Variants in DLG2 observed in about 807,000 individuals in gnomAD.
DLG2 encodes discs large MAGUK scaffold protein 2.
A neutral mutation model predicts 132.5 loss-of-function variants in DLG2; 45 were observed. The observed-to-expected ratio is 0.34, with a 90% CI of 0.27 to 0.44. The LOEUF is 0.44. Among genes scored for constraint, DLG2 ranks in the 20% least tolerant of loss-of-function variants. The pLI is 1.00. For synonymous variants in DLG2, 424 were observed against 419.6 expected (o/e 1.01, Z -0.13); for missense variants, 1,045 against 1,196.9 (o/e 0.87, Z 1.87).
At chr11:85,340,981 A>G (rs2082453378) in intron 3 of DLG2, among the ~76,000 whole-genome samples, 1 of 152,216 alleles carries the variant, frequency 6.6e-6, no homozygotes, top group Admixed American at 6.5e-5. Flanking sequence ...TCAAATTGCT[A>G]CACAGTTATC....
intron 17 of DLG2, among the ~76,000 whole-genome samples, chr11:83,792,449 G>A (rs867257966): frequency 6.6e-6 from 1 of 152,026 alleles, no homozygotes; most frequent in Non-Finnish European, 1.5e-5. Flanking sequence ...ACAATGAAAA[G>A]ACATACAATT....
At chr11:84,379,019 C>A (rs1176442196) in intron 7 of DLG2, among the ~76,000 whole-genome samples, 1 of 151,612 alleles carries the variant, frequency 6.6e-6, no homozygotes, top group Non-Finnish European at 1.5e-5. Flanking sequence ...GTAAAGTTGT[C>A]CCCAGGTGTC....
At chr11:84,577,083 T>C (rs1022624886) in intron 6 of DLG2, among the ~76,000 whole-genome samples, 4 of 152,194 alleles carry the variant, frequency 2.6e-5, no homozygotes, top group African/African-American at 9.7e-5. Flanking sequence ...GGCTTTTGCT[T>C]CTTTCTCATT....
chr11:84,523,664 A>G (rs1463941671), intron 7 of DLG2, among the ~76,000 whole-genome samples: 2 of 152,202 alleles, frequency 1.3e-5, no homozygotes, highest in South Asian at 2.1e-4. Context: ...AGTAACAATA[A>G]GTGCCTTATA....
intron 6 of DLG2, among the ~76,000 whole-genome samples, chr11:84,983,519 T>G (rs2056063980): frequency 6.6e-6 from 1 of 152,142 alleles, no homozygotes; most frequent in Non-Finnish European, 1.5e-5. Flanking sequence ...ACACTGTCCC[T>G]CTGACAGAGC....
intron 3 of DLG2, among the ~76,000 whole-genome samples, chr11:85,546,081 G>A (rs929490683): frequency 1.3e-5 from 2 of 151,942 alleles, no homozygotes; most frequent in Admixed American, 1.3e-4. Context: ...AAATGTGATG[G>A]TAGGGTGTTG....
intron 6 of DLG2, among the ~76,000 whole-genome samples, chr11:84,542,128 TGAGAGAGA>T (rs59128357): frequency 8.2e-5 from 12 of 147,032 alleles, no homozygotes; most frequent in African/African-American, 2.5e-4. Flanking sequence ...ACAGTACTGA[TGAGAGAGA>T]GAGAGAGAGA....
intron 15 of DLG2, among the ~76,000 whole-genome samples, chr11:83,921,131 C>T (rs2077806222): frequency 6.6e-6 from 1 of 152,052 alleles, no homozygotes; most frequent in African/African-American, 2.4e-5. Context: ...TAACACATAC[C>T]TCCCTGGGTT....
intron 18 of DLG2, among the ~76,000 whole-genome samples, chr11:83,663,146 A>G (rs2074743507): frequency 6.6e-6 from 1 of 152,250 alleles, no homozygotes; most frequent in Non-Finnish European, 1.5e-5. Flanking sequence ...ATGTTAAATA[A>G]TTGAGTAAAC....
intron 4 of DLG2, among the ~76,000 whole-genome samples, chr11:85,181,512 T>A (rs762268688): frequency 1.3e-4 from 20 of 151,740 alleles, no homozygotes; most frequent in Non-Finnish European, 2.1e-4. Flanking sequence ...AAAGCAGGTG[T>A]CATGTCATAT....
chr11:84,471,948 T>C (rs1243280948), intron 7 of DLG2, among the ~76,000 whole-genome samples: 1 of 151,640 alleles, frequency 6.6e-6, no homozygotes, highest in African/African-American at 2.4e-5. Context: ...CATTAGAAAC[T>C]GATTTAAAAT....
intron 6 of DLG2, among the ~76,000 whole-genome samples, chr11:84,592,878 A>C (rs1471450061): frequency 2.1e-5 from 3 of 142,082 alleles, no homozygotes; most frequent in African/African-American, 8.0e-5. Context: ...CGAGTGGATC[A>C]CAAGGTCAGG....
intron 6 of DLG2, among the ~76,000 whole-genome samples, chr11:84,906,865 C>G (rs1467204554): frequency 6.6e-6 from 1 of 152,118 alleles, no homozygotes; most frequent in Non-Finnish European, 1.5e-5. Flanking sequence ...TCATTCCCTT[C>G]TTCTTTAAAC....
chr11:85,053,932 C>T (rs998652924), intron 6 of DLG2, among the ~76,000 whole-genome samples: 4 of 151,352 alleles, frequency 2.6e-5, no homozygotes, highest in Admixed American at 1.3e-4. Flanking sequence ...TTCCTAGTAA[C>T]GAACATATGA....
intron 6 of DLG2, among the ~76,000 whole-genome samples, chr11:84,755,550 A>G (rs879816753): frequency 5.9e-5 from 9 of 152,182 alleles, no homozygotes; most frequent in African/African-American, 2.2e-4. Flanking sequence ...CAGCCTCCCA[A>G]GTAGCTGGGA....
intron 6 of DLG2, among the ~76,000 whole-genome samples, chr11:85,031,521 T>G (rs73521290): frequency 0.031 from 4,744 of 152,256 alleles, 257 homozygotes; most frequent in African/African-American, 0.11. Flanking sequence ...GTTATATTCT[T>G]CTTAAATATT....
chr11:85,128,949 C>A (rs1316561793), intron 5 of DLG2, among the ~76,000 whole-genome samples: 1 of 152,188 alleles, frequency 6.6e-6, no homozygotes, highest in African/African-American at 2.4e-5. Context: ...TCCACCACAA[C>A]ATCACTTAGA....
chr11:84,806,383 T>C (rs980900723), intron 6 of DLG2, among the ~76,000 whole-genome samples: 1 of 152,108 alleles, frequency 6.6e-6, no homozygotes, highest in Non-Finnish European at 1.5e-5. Context: ...CAATGATACA[T>C]TATAGTCAAT....
At chr11:84,123,967 G>C (rs933079196) in intron 9 of DLG2, among the ~76,000 whole-genome samples, 1 of 152,170 alleles carries the variant, frequency 6.6e-6, no homozygotes, top group African/African-American at 2.4e-5. Flanking sequence ...ATTCTATTTT[G>C]TGATTCATGC....
Sources: allele counts gnomAD v4.1 joint callset (sites outside exome capture counted in the v4.1 genomes callset), GRCh38; gene constraint gnomAD v4.1.1; transcripts MANE v1.5; gene names NCBI Gene and HGNC (gene_info 2026-07-23, HGNC 2026-07-21).